Variants in PIEZO2 observed in about 807,000 individuals in gnomAD.
The protein encoded by PIEZO2 is piezo-type mechanosensitive ion channel component 2.
A neutral mutation model predicts 337.3 loss-of-function variants in PIEZO2; 172 were observed. That is an observed-to-expected ratio of 0.51 (90% CI 0.45 to 0.58). The LOEUF is 0.58. PIEZO2 is among the 20% of genes least tolerant of loss of function. The pLI, the probability that PIEZO2 is intolerant of heterozygous loss-of-function variation, is 0.00. For missense variants in PIEZO2, 3,028 were observed against 3,391.3 expected (o/e 0.89, Z 2.66); for synonymous variants, 1,251 against 1,228.5 (o/e 1.02, Z -0.38).
chr18:11,037,612 C>A (rs1471558539), intron 2 of PIEZO2, among the ~76,000 whole-genome samples: 1 of 152,118 alleles, frequency 6.6e-6, no homozygotes, highest in Admixed American at 6.5e-5. Flanking sequence ...TGAGAGGGAA[C>A]TTCATAAAAG....
At chr18:10,925,259 G>C (rs569575229) in intron 3 of PIEZO2, among the ~76,000 whole-genome samples, 7 of 152,296 alleles carry the variant, frequency 4.6e-5, no homozygotes, top group African/African-American at 1.7e-4. Context: ...TACATGATTA[G>C]TTCTGTCATT....
chr18:10,705,377 G>T lies in PIEZO2; in HGVS notation c.5958C>A (p.Pro1986=), dbSNP rs1290939591. ...CGCTGGCCGTCAGCTCATGGGTCAG[G>T]GGAGGTAAGATGCTGGACCCCAGCT... The part of the protein sequence containing the change: ...TDKLGSSILP[P]LTHELTASEL... Residue 1986 remains proline, a synonymous_variant, in exon 41 of 56, where the codon CCC becomes CCA. Coordinates refer to ENST00000674853, the MANE Select transcript of PIEZO2 (RefSeq NM_001378183.1). 3.3e-6 allele frequency: 5 copies of T among 1,537,042 alleles called. No homozygotes were observed. The highest frequency in any genetic ancestry group is 4.4e-6 in the Non-Finnish European group (5 of 1,146,868).
rs545678021 is a variant in PIEZO2 at position 10,856,079 on chromosome 18, T to C, written c.704-513A>G. On this transcript the variant is annotated intron_variant, in intron 6 of 55. Coordinates refer to ENST00000674853, the MANE Select transcript of PIEZO2 (RefSeq NM_001378183.1). The surrounding 1 kb of genome is among the most constrained non-coding windows in gnomAD (Gnocchi z 4.7). ...GTTTTGTTTTATTTTATTTTATTTT[T>C]TGTAGGGATGGGGTTTTGCCAAGTA... 1.1e-4 allele frequency among the ~76,000 whole-genome samples: 17 copies of C among 152,278 alleles called. No homozygotes were observed. The East Asian group carries it at 3.3e-3, about 29-fold the overall frequency.
intron 39 of PIEZO2, among the ~76,000 whole-genome samples, chr18:10,711,771 G>A (rs1458423800): frequency 1.3e-5 from 2 of 152,184 alleles, no homozygotes; most frequent in Non-Finnish European, 2.9e-5. Context: ...GTACGTGATC[G>A]TATTCTTCAC....
rs907254142 is a variant in PIEZO2, at chr18:10,828,457, A to G, written c.918-21183T>C. ...TTGGTGCATTTTAACAGCTTCTTCA[A>G]TTAAGGGATTCATGTTTTCCTTCCA... On this transcript the variant is annotated intron_variant, in intron 7 of 55. Transcript: ENST00000674853. The surrounding 1 kb of genome is among the most constrained non-coding windows in gnomAD (Gnocchi z 4.1). Among the ~76,000 whole-genome samples the G allele has an allele frequency of 5.3e-5, 8 of 152,118 alleles. No homozygotes were observed. Among genetic ancestry groups the G allele is most frequent in the South Asian group, 2.1e-4 (1 of 4,814 alleles).
intron 2 of PIEZO2, among the ~76,000 whole-genome samples, chr18:11,063,770 C>T (rs879618823): frequency 2.0e-5 from 3 of 152,140 alleles, no homozygotes; most frequent in East Asian, 1.9e-4. Flanking sequence ...ACAGTCCCTT[C>T]AGTTTGCCAA....
At chr18:10,786,993 A>G (rs1471242611) in intron 16 of PIEZO2, 43 bp downstream of exon 16, 4 of 1,483,068 alleles carry the variant, frequency 2.7e-6, no homozygotes, top group Admixed American at 2.1e-5. Flanking sequence ...ATATGCATTC[A>G]AGTCTTCATC....
At chr18:10,771,122 T>C (rs1171756062) in intron 20 of PIEZO2, among the ~76,000 whole-genome samples, 3 of 152,270 alleles carry the variant, frequency 2.0e-5, no homozygotes, top group African/African-American at 4.8e-5. Flanking sequence ...AAAAGACATC[T>C]TTCTTGCCAC....
In PIEZO2 at chr18:11,112,283, G is replaced by T. The variant is rs1251455098; in HGVS notation, c.64+36242C>A. On this transcript the variant is annotated intron_variant, in intron 1 of 55. Coordinates refer to ENST00000674853, the MANE Select transcript of PIEZO2 (RefSeq NM_001378183.1). This position sits in a 1 kb window ranked among gnomAD's most constrained non-coding sequence, Gnocchi z 4.3. ...GAATACCAACTGAGGTTTTTTGTTTGGTATCAGGAAGGTCATTTGAGTTTA... is the reference window on the plus strand; with the variant it reads ...GAATACCAACTGAGGTTTTTTGTTTTGTATCAGGAAGGTCATTTGAGTTTA... Among the ~76,000 whole-genome samples, 2 of 152,080 alleles carry T rather than the reference G, an allele frequency of 1.3e-5. No homozygotes were observed. The highest frequency in any genetic ancestry group is 2.9e-5 in the Non-Finnish European group (2 of 68,012).
rs999023046 is a variant in PIEZO2, at chr18:10,781,418, C to A, written c.2493-1052G>T. Among the ~76,000 whole-genome samples, 1 of 151,556 alleles carries A rather than the reference C, an allele frequency of 6.6e-6. No homozygotes were observed. The highest frequency in any genetic ancestry group is 2.4e-5 in the African/African-American group (1 of 41,256). ...CCAGGAGGTGGAGGTTGCAGTGAGC[C>A]GAGATGGCACCACTGCACTCCAGCT... On this transcript the variant is annotated intron_variant, in intron 17 of 55. Coordinates refer to ENST00000674853, the MANE Select transcript of PIEZO2 (RefSeq NM_001378183.1). The surrounding 1 kb of genome is among the most constrained non-coding windows in gnomAD (Gnocchi z 4.1).
rs1004926483 is a variant in PIEZO2 at position 10,708,380 on chromosome 18, C to G, written c.5483G>C (p.Gly1828Ala). Residue 1828 changes from glycine to alanine, a missense_variant, in exon 40 of 56, where the codon GGA (glycine) becomes GCA (alanine). By Grantham distance (60) the Gly-to-Ala change is moderately conservative. This residue lies in a region of PIEZO2 where 1,925 missense variants were observed against 2,051.9 expected (regional missense o/e 0.94). Coordinates refer to ENST00000674853, the MANE Select transcript of PIEZO2 (RefSeq NM_001378183.1). ...CTCGCTTGTTTTAGGAATTTCTTGT[C>G]CATCTAAATCATCAAGGGTGGACTG... ...SRQSTLDDLD[G>A]QEIPKTSERA... The G allele has an allele frequency of 6.6e-6, 1 of 152,664 alleles. No homozygotes were observed. The highest frequency in any genetic ancestry group is 1.5e-5 in the Non-Finnish European group (1 of 68,060). The allele number at this position is 152,664 out of a possible 1,614,324, so 9.5% of individuals were successfully genotyped here.
chr18:11,128,248 A>T lies in PIEZO2; in HGVS notation c.64+20277T>A, dbSNP rs146043106. Among the ~76,000 whole-genome samples the T allele has an allele frequency of 4.7e-3, 716 of 152,274 alleles. 6 individuals carry two copies. Among genetic ancestry groups the T allele is most frequent in the African/African-American group, 0.016 (667 of 41,550 alleles). ...CTGTCTCCAGGCTTCAGAAGCACATACTGAGCCTCAAATCTGCTAAGATTG... is the reference window on the plus strand; with the variant it reads ...CTGTCTCCAGGCTTCAGAAGCACATTCTGAGCCTCAAATCTGCTAAGATTG... On this transcript the variant is annotated intron_variant, in intron 1 of 55. Coordinates refer to ENST00000674853, the MANE Select transcript of PIEZO2 (RefSeq NM_001378183.1). This position sits in a 1 kb window ranked among gnomAD's most constrained non-coding sequence, Gnocchi z 4.1.
Position 11,035,238 on chromosome 18 carries a change from G to C in PIEZO2, c.160+30889C>G, listed in dbSNP as rs141043476. Among the ~76,000 whole-genome samples, 1 of 152,288 alleles carries C rather than the reference G, an allele frequency of 6.6e-6. No homozygotes were observed. The highest frequency in any genetic ancestry group is 1.5e-5 in the Non-Finnish European group (1 of 68,024). On this transcript the variant is annotated intron_variant, in intron 2 of 55. Transcript: ENST00000674853. The surrounding 1 kb of genome is among the most constrained non-coding windows in gnomAD (Gnocchi z 4.3). ...TGGTGGGAGGTGTTTGGTCCCAGCAGTAATGAGAGAGTTCTTGCTCTGTTA... is the reference window on the plus strand; with the variant it reads ...TGGTGGGAGGTGTTTGGTCCCAGCACTAATGAGAGAGTTCTTGCTCTGTTA...
intron 3 of PIEZO2, among the ~76,000 whole-genome samples, chr18:10,971,500 C>T (rs1379040670): frequency 6.6e-6 from 1 of 152,034 alleles, no homozygotes; most frequent in Non-Finnish European, 1.5e-5. Context: ...GTGGTAGGGA[C>T]GGTGGGTTCA....
At chr18:10,851,561 C>A (rs573995588) in intron 7 of PIEZO2, among the ~76,000 whole-genome samples, 9 of 152,130 alleles carry the variant, frequency 5.9e-5, no homozygotes, top group Non-Finnish European at 1.2e-4. Context: ...CTGTTAATAT[C>A]TTTACCATAA....
chr18:10,770,579 T>A (rs930810999), intron 20 of PIEZO2, among the ~76,000 whole-genome samples: 3 of 143,932 alleles, frequency 2.1e-5, no homozygotes, highest in Admixed American at 2.0e-4. Context: ...TTATCTTCCT[T>A]CCTTCCTTCC....
Position 10,844,997 on chromosome 18 carries a change from A to G in PIEZO2, c.917+10356T>C, listed in dbSNP as rs75137365. Among the ~76,000 whole-genome samples, 899 of 152,244 alleles carry G rather than the reference A, an allele frequency of 5.9e-3. 6 individuals carry two copies. The highest frequency in any genetic ancestry group is 9.5e-3 in the Non-Finnish European group (649 of 68,016). ...AAAGACGAGATATGGGACAAACTAT[A>G]TTTACATGTTATTATAGTTTTAATT... On this transcript the variant is annotated intron_variant, in intron 7 of 55. Coordinates refer to ENST00000674853, the MANE Select transcript of PIEZO2 (RefSeq NM_001378183.1).
rs67577639 is a variant in PIEZO2, at chr18:11,035,561, C to A, written c.160+30566G>T. ...GGGCTAACACAACTCCTCTTGCCAG[C>A]AGGGGACACATGCAATTTACTTGGC... On this transcript the variant is annotated intron_variant, in intron 2 of 55. Transcript: ENST00000674853. The surrounding 1 kb of genome is among the most constrained non-coding windows in gnomAD (Gnocchi z 4.3). Among the ~76,000 whole-genome samples, 31,282 of 152,088 alleles carry A rather than the reference C, an allele frequency of 0.21. 3,738 individuals carry two copies. The highest frequency in any genetic ancestry group is 0.32 in the African/African-American group (13,468 of 41,444).
intron 2 of PIEZO2, among the ~76,000 whole-genome samples, chr18:11,017,842 G>A (rs189417819): frequency 1.3e-5 from 2 of 152,276 alleles, no homozygotes; most frequent in Non-Finnish European, 2.9e-5. Flanking sequence ...ACTACAAACT[G>A]AGTGGCTTAA....
Sources: gnomAD v4.1 joint callset for allele counts (sites outside exome capture counted in the v4.1 genomes callset) on GRCh38, gnomAD v4.1.1 for gene constraint, gnomAD v4.1.1 regional missense constraint, Gnocchi (gnomAD v3.1) non-coding constraint, MANE v1.5 for transcripts, NCBI Gene and HGNC (gene_info 2026-07-23, HGNC 2026-07-21) for gene names.